The following PRIM2 variants were observed in gnomAD, a reference collection of about 807,000 sequenced individuals.
PRIM2 encodes the protein DNA primase subunit 2.
Under a neutral mutation model 67.3 loss-of-function variants are expected in PRIM2, and 39 were observed. That is an observed-to-expected ratio of 0.58 (90% CI 0.45 to 0.76). The LOEUF is 0.76. PRIM2 is among the 30% of genes least tolerant of loss of function. The pLI is 0.00. For missense variants in PRIM2, 398 were observed against 598.7 expected, an observed-to-expected ratio of 0.66 and a Z score of 3.50; for synonymous variants, 143 against 198.7, an observed-to-expected ratio of 0.72 and a Z score of 2.36.
chr6:57,244,504 T>C, the PRIM2 span, among the ~76,000 whole-genome samples: 1 of 152,348 alleles, frequency 6.6e-6, no homozygotes, highest in African/African-American at 2.4e-5. Flanking sequence ...CTTACACCTG[T>C]AATCCTAGCA....
chr6:57,479,359 A>G (rs1773557440), intron 7 of PRIM2, among the ~76,000 whole-genome samples: 2 of 152,170 alleles, frequency 1.3e-5, no homozygotes, highest in African/African-American at 4.8e-5. Context: ...ACTACTAAAA[A>G]AAAAGCATCA....
At chr6:57,287,588 A>G in the PRIM2 span, among the ~76,000 whole-genome samples, 1 of 152,088 alleles carries the variant, frequency 6.6e-6, no homozygotes, top group Non-Finnish European at 1.5e-5. Flanking sequence ...GGAGGGGACC[A>G]TCACACACTG....
At chr6:57,411,843 A>T (rs1424901664) in intron 7 of PRIM2, among the ~76,000 whole-genome samples, 1 of 151,324 alleles carries the variant, frequency 6.6e-6, no homozygotes, top group Admixed American at 6.6e-5. Flanking sequence ...TGGGAAGTAT[A>T]TTCCTTCTTA....
chr6:57,393,064 G>A (rs1039678057), intron 7 of PRIM2, among the ~76,000 whole-genome samples: 3 of 151,500 alleles, frequency 2.0e-5, no homozygotes, highest in Non-Finnish European at 4.4e-5. Flanking sequence ...AGATTGATGG[G>A]CATTTGGATT....
At chr6:57,430,776 C>A (rs1771800077) in intron 7 of PRIM2, among the ~76,000 whole-genome samples, 1 of 152,008 alleles carries the variant, frequency 6.6e-6, no homozygotes. Flanking sequence ...TTTCTTAAAT[C>A]TTGAAAAGCT....
In PRIM2 at chr6:57,422,784, C is replaced by T. The variant is rs1472572677; in HGVS notation, c.693+40616C>T. ...ACAGGTTTTTTTTCCCCACATGCAG[C>T]AGAACTCTGCTTACATTATGACCTT... On this transcript the variant is annotated intron_variant, in intron 7 of 13. Coordinates refer to ENST00000615550, the MANE Select transcript of PRIM2 (RefSeq NM_000947.5). 2.0e-5 allele frequency among the ~76,000 whole-genome samples: 3 copies of T among 151,826 alleles called. No homozygotes were observed. The East Asian group carries it at 5.8e-4, about 29-fold the overall frequency.
chr6:57,434,935 C>T (rs1292573803), intron 7 of PRIM2: 1 of 145,314 alleles, frequency 6.9e-6, no homozygotes, highest in African/African-American at 2.5e-5. Flanking sequence ...CCACCATACT[C>T]AGCTGATTTT....
chr6:57,230,202 T>G, the PRIM2 span, among the ~76,000 whole-genome samples: 11 of 152,218 alleles, frequency 7.2e-5, no homozygotes, highest in Non-Finnish European at 5.9e-5. Context: ...TAATCTTCCT[T>G]GTCGCTTCCC....
intron 7 of PRIM2, among the ~76,000 whole-genome samples, chr6:57,479,418 G>A (rs1773559434): frequency 2.0e-5 from 3 of 152,102 alleles, no homozygotes; most frequent in Non-Finnish European, 2.9e-5. Flanking sequence ...AAAAGTTACA[G>A]GTACACTGCT....
Position 57,439,404 on chromosome 6 carries a change from G to GTTTTT in PRIM2, c.693+57261_693+57265dup, listed in dbSNP as rs149436085. Among the ~76,000 whole-genome samples, 10 of 57,068 alleles carry GTTTTT rather than the reference G, an allele frequency of 1.8e-4. 1 individual carries two copies. The highest frequency in any genetic ancestry group is 2.6e-4 in the Admixed American group (1 of 3,914). The allele number at this position is 57,068 out of a possible 152,430, so 37.4% of individuals were successfully genotyped here. On this transcript the variant is annotated intron_variant, in intron 7 of 13. Transcript: ENST00000615550. Reference sequence around the variant, plus strand: ...CATGAGCTTTGAGTAGAGGTACTCTGTTTTTTTTTTTTTTTTTTTTTTTTT... The same window carrying GTTTTT: ...CATGAGCTTTGAGTAGAGGTACTCTGTTTTTTTTTTTTTTTTTTTTTTTTTTTTTT...
chr6:57,629,325 G>T (rs1777005755), intron 12 of PRIM2, among the ~76,000 whole-genome samples: 2 of 152,118 alleles, frequency 1.3e-5, no homozygotes, highest in Non-Finnish European at 2.9e-5. Context: ...ATATCTGTTT[G>T]TTAATCATAT....
the PRIM2 span, among the ~76,000 whole-genome samples, chr6:57,254,571 A>G: frequency 1.3e-5 from 2 of 152,234 alleles, no homozygotes; most frequent in Non-Finnish European, 2.9e-5. Context: ...GAATGTAACA[A>G]AAGCCCACCA....
rs573184188 is a variant in PRIM2, at chr6:57,401,775, A to G, written c.693+19607A>G. On this transcript the variant is annotated intron_variant, in intron 7 of 13. Transcript: ENST00000615550. Reference sequence around the variant, plus strand: ...GATGGAGGGCCTGTGCTGTGGCCCCAGCCAGGGGTTCTCTGTCTGGTGATG... The same window carrying G: ...GATGGAGGGCCTGTGCTGTGGCCCCGGCCAGGGGTTCTCTGTCTGGTGATG... Among the ~76,000 whole-genome samples the G allele has an allele frequency of 3.7e-4, 56 of 152,308 alleles. No individual in the cohort carries two copies. The East Asian group carries it at 8.3e-3, about 23-fold the overall frequency.
intron 7 of PRIM2, among the ~76,000 whole-genome samples, chr6:57,472,684 C>G: frequency 6.6e-6 from 1 of 152,132 alleles, no homozygotes; most frequent in East Asian, 1.9e-4. Context: ...AGCATGAAAT[C>G]TTGGAATGTT....
intron 8 of PRIM2, among the ~76,000 whole-genome samples, chr6:57,521,370 T>G (rs1774616751): frequency 1.9e-5 from 2 of 107,034 alleles, no homozygotes; most frequent in Admixed American, 8.3e-5. Context: ...GGTTAGGGTT[T>G]TTTTTTTTTT....
the PRIM2 span, among the ~76,000 whole-genome samples, chr6:57,281,565 A>AC: frequency 2.0e-5 from 3 of 152,104 alleles, no homozygotes; most frequent in African/African-American, 7.2e-5. Flanking sequence ...TGAAAAACTG[A>AC]CCCCATAGTA....
chr6:57,552,831 C>T (rs1638240885), intron 10 of PRIM2, among the ~76,000 whole-genome samples: 2 of 152,024 alleles, frequency 1.3e-5, no homozygotes, highest in African/African-American at 4.8e-5. Flanking sequence ...ATCTTTTCTG[C>T]CCCTTCCTTT....
At chr6:57,453,935 G>T (rs1253167070) in intron 7 of PRIM2, among the ~76,000 whole-genome samples, 1 of 152,122 alleles carries the variant, frequency 6.6e-6, no homozygotes, top group Admixed American at 6.5e-5. Flanking sequence ...GTCATAGATA[G>T]CTCTTATTAT....
At chr6:57,541,890 C>T (rs1192904704) in intron 10 of PRIM2, among the ~76,000 whole-genome samples, 1 of 152,046 alleles carries the variant, frequency 6.6e-6, no homozygotes, top group African/African-American at 2.4e-5. Flanking sequence ...GAAACACCCC[C>T]TCAGACACCC....
Sources: gnomAD v4.1 joint callset for allele counts (sites outside exome capture counted in the v4.1 genomes callset) on GRCh38, gnomAD v4.1.1 for gene constraint, MANE v1.5 for transcripts, NCBI Gene and HGNC (gene_info 2026-07-23, HGNC 2026-07-21) for gene names.